POGLUT1: variants seen among roughly 807,000 people sequenced by gnomAD.
The protein encoded by POGLUT1 is protein O-glucosyltransferase 1, also known as 9630046K23Rik.
A neutral mutation model predicts 61.3 loss-of-function variants in POGLUT1; 32 were observed. The ratio of observed to expected loss-of-function variants is 0.52; its 90% CI spans 0.39 to 0.70. The LOEUF (loss-of-function observed/expected upper bound fraction) is 0.70. Ranked by LOEUF, POGLUT1 falls within the 30% of genes least tolerant of loss-of-function variation. The pLI, the probability that POGLUT1 is intolerant of heterozygous loss-of-function variation, is 0.00. For missense variants in POGLUT1, 411 were observed against 469.8 expected (o/e 0.87, Z 1.16); for synonymous variants, 158 against 158.2 (o/e 1.00, Z 0.01).
At chr3:119,490,289 C>G (rs1307350682) in intron 8 of POGLUT1, 4 of 446,148 alleles carry the variant, frequency 9.0e-6, no homozygotes, top group Non-Finnish European at 1.6e-5. Context: ...CAGCTCCTGA[C>G]CCTATCTAGT....
At chr3:119,473,066 G>T (rs1029979164) in intron 3 of POGLUT1, among the ~76,000 whole-genome samples, 8 of 152,224 alleles carry the variant, frequency 5.3e-5, no homozygotes, top group Admixed American at 4.6e-4. Context: ...CAATAAAAAA[G>T]AAAGATTATT....
intron 5 of POGLUT1, among the ~76,000 whole-genome samples, chr3:119,482,070 A>G (rs905848825): frequency 6.6e-6 from 1 of 152,092 alleles, no homozygotes; most frequent in Non-Finnish European, 1.5e-5. Flanking sequence ...TAAGCTGGAA[A>G]AAAGGTTTTA....
At position 119,484,949 on chromosome 3, in the gene POGLUT1, G is replaced by A. The variant is rs538863212; in HGVS notation, c.579-379G>A. Among the ~76,000 whole-genome samples, 4 of 152,298 alleles carry A rather than the reference G, an allele frequency of 2.6e-5. No homozygotes were observed. In the South Asian group the frequency reaches 8.3e-4, roughly 32 times the overall value. On this transcript the variant is annotated intron_variant, in intron 5 of 10. Coordinates refer to ENST00000295588, the MANE Select transcript of POGLUT1 (RefSeq NM_152305.3). ...TATGAAGCTCTGGCCAGGCACAGTG[G>A]CTCACGCCTGTAATCCCAGCACTTT... is the stretch of plus-strand genomic sequence containing the variant.
intron 7 of POGLUT1, 105 bp from the exon 8 acceptor site, chr3:119,488,824 G>C: frequency 1.7e-6 from 1 of 600,254 alleles, no homozygotes; most frequent in Non-Finnish European, 3.2e-6. Flanking sequence ...TGATTATGAA[G>C]CTTAAATGAG....
chr3:119,479,317 T>C (rs998109926), intron 4 of POGLUT1, among the ~76,000 whole-genome samples: 17 of 152,184 alleles, frequency 1.1e-4, no homozygotes, highest in African/African-American at 4.1e-4. Flanking sequence ...TAACCAAGAA[T>C]TTATTGACCA....
At chr3:119,478,121 A>C in intron 4 of POGLUT1, 1 of 339,106 alleles carries the variant, frequency 2.9e-6, no homozygotes, top group Non-Finnish European at 5.8e-6. Context: ...ATCGGCAGGG[A>C]TGGGCCTTGG....
In POGLUT1 at chr3:119,469,901, G is replaced by A. The variant is rs1185123117; in HGVS notation, c.167G>A (p.Cys56Tyr). The change falls in exon 2 of 11, where the codon TGC becomes TAC. Residue 56 changes from cysteine to tyrosine, a missense_variant. By Grantham distance (194) the Cys-to-Tyr change is radical. Coordinates refer to ENST00000295588, the MANE Select transcript of POGLUT1 (RefSeq NM_152305.3). ...CCATGTTCAAGTCAAAACTGCAGCT[G>A]CTACCATGGGTGAGTTCTTTTCTTT... ...YEPCSSQNCS[C>Y]YHGVIEEDLT... The A allele has an allele frequency of 6.3e-7, 1 of 1,585,712 alleles. No individual in the cohort carries two copies. The highest frequency in any genetic ancestry group is 1.7e-5 in the Admixed American group (1 of 59,992).
chr3:119,490,827 T>C, intron 9 of POGLUT1, 109 bp downstream of exon 9: 1 of 932,820 alleles, frequency 1.1e-6, no homozygotes, highest in South Asian at 1.9e-5. Context: ...TCCTACGATT[T>C]TTTTCCATTG....
Position 119,493,712 on chromosome 3 carries a change from T to A in POGLUT1, c.*1274T>A, listed in dbSNP as rs566551933. 4 of 152,286 alleles carry A rather than the reference T, an allele frequency of 2.6e-5. No homozygotes were observed. The East Asian group carries it at 7.7e-4, about 29-fold the overall frequency. 9.4% of individuals were successfully genotyped at this position (152,286 alleles called of 1,614,324 possible). ...ATGTATTTGGCTTTTTAAACTCCTT[T>A]CCACAAAAGTTTAAGTCTAATGACC... is the stretch of plus-strand genomic sequence containing the variant. On this transcript the variant is annotated 3_prime_UTR_variant, in exon 11 of 11. Coordinates refer to ENST00000295588, the MANE Select transcript of POGLUT1 (RefSeq NM_152305.3).
chr3:119,486,707 T>C, intron 6 of POGLUT1, 126 bp from the exon 7 acceptor site: 1 of 733,620 alleles, frequency 1.4e-6, no homozygotes, highest in Admixed American at 1.9e-5. Flanking sequence ...CGCTGTCACG[T>C]CACCAGTGAA....
At chr3:119,477,626 A>G (rs1196105558) in intron 4 of POGLUT1, among the ~76,000 whole-genome samples, 178 bp downstream of exon 4, 1 of 152,186 alleles carries the variant, frequency 6.6e-6, no homozygotes, top group Admixed American at 6.5e-5. Flanking sequence ...AGAGGAGATG[A>G]AGTTGAGAGC....
rs753977978 is a variant in POGLUT1 at position 119,492,369 on chromosome 3, G to A, written c.1110G>A (p.Leu370=). The A allele has an allele frequency of 1.2e-6, 2 of 1,606,936 alleles. No individual in the cohort carries two copies. The highest frequency in any genetic ancestry group is 1.1e-5 in the South Asian group (1 of 90,648). Residue 370 remains leucine, a synonymous_variant, in exon 11 of 11, where the codon CTG becomes CTA. Transcript: ENST00000295588. ...ENLLSEYSKF[L]SYNVTRRKGY... ...TCTTGAGTGAATACTCTAAATTCCTGTCTTATAATGTAACGAGAAGGAAAG... is the reference window on the plus strand; with the variant it reads ...TCTTGAGTGAATACTCTAAATTCCTATCTTATAATGTAACGAGAAGGAAAG...
intron 3 of POGLUT1, among the ~76,000 whole-genome samples, chr3:119,476,680 G>C (rs1030660029): frequency 1.3e-5 from 2 of 152,182 alleles, no homozygotes; most frequent in African/African-American, 4.8e-5. Flanking sequence ...TAAACTGTCA[G>C]TGTATCTTCT....
intron 3 of POGLUT1, among the ~76,000 whole-genome samples, chr3:119,473,028 C>T (rs2081494216): frequency 6.6e-6 from 1 of 152,036 alleles, no homozygotes; most frequent in Admixed American, 6.6e-5. Flanking sequence ...TAGAGCAAGA[C>T]CTGTCTCAAA....
intron 5 of POGLUT1, 106 bp from the exon 6 acceptor site, chr3:119,485,222 A>AC: frequency 1.3e-6 from 1 of 774,450 alleles, no homozygotes; most frequent in Non-Finnish European, 2.1e-6. Context: ...GTCTCAAAAA[A>AC]AAAAAAGAAA....
At chr3:119,475,954 C>CCACACACACACACACACACA (rs539140166) in intron 3 of POGLUT1, among the ~76,000 whole-genome samples, 90 of 130,942 alleles carry the variant, frequency 6.9e-4, no homozygotes, top group Non-Finnish European at 1.3e-3. Context: ...GACTGTCTCT[C>CCACACACACACACACACACA]CACACACACA....
intron 6 of POGLUT1, 56 bp from the exon 7 acceptor site, chr3:119,486,776 TG>T (rs777910468): frequency 1.4e-5 from 16 of 1,170,484 alleles, no homozygotes; most frequent in Non-Finnish European, 1.9e-5. Flanking sequence ...TTTCAGGGAT[TG>T]GGAACAGTTT....
Position 119,469,112 on chromosome 3 carries a change from C to A in POGLUT1, c.85+6C>A. 1 of 1,598,146 alleles carries A rather than the reference C, an allele frequency of 6.3e-7. No individual in the cohort carries two copies. ...GGGCCGCCAGAAGGAGTCAGGTGGGCTCCGGGCAGTGCCGAGCCTGCCCCT... is the reference window on the plus strand; with the variant it reads ...GGGCCGCCAGAAGGAGTCAGGTGGGATCCGGGCAGTGCCGAGCCTGCCCCT... On this transcript the variant is annotated splice_donor_region_variant and intron_variant, in intron 1 of 10. Transcript: ENST00000295588.
chr3:119,469,857 G>A lies in POGLUT1; in HGVS notation c.123G>A (p.Arg41=), dbSNP rs545296212. Residue 41 remains arginine (R), a synonymous_variant, in exon 2 of 11, where the codon AGG becomes AGA. Coordinates refer to ENST00000295588, the MANE Select transcript of POGLUT1 (RefSeq NM_152305.3). ...KWKVFIDQIN[R]SLENYEPCSS... ...AAGTATTTATTGACCAAATTAACAG[G>A]TCTTTGGAGAATTACGAACCATGTT... 8.1e-6 allele frequency: 13 copies of A among 1,607,356 alleles called. No individual in the cohort carries two copies. The South Asian group carries it at 1.4e-4, about 18-fold the overall frequency.
Sources: allele counts gnomAD v4.1 joint callset (sites outside exome capture counted in the v4.1 genomes callset), GRCh38; gene constraint gnomAD v4.1.1; transcripts MANE v1.5; gene names NCBI Gene and HGNC (gene_info 2026-07-23, HGNC 2026-07-21).